MED19: variants seen among roughly 807,000 people sequenced by gnomAD.
The protein encoded by MED19 is mediator complex subunit 19, also known as mediator of RNA polymerase II transcription subunit 19.
A neutral mutation model predicts 19.9 loss-of-function variants in MED19; 4 were observed. The ratio of observed to expected loss-of-function variants is 0.20; its 90% CI spans 0.10 to 0.46. The LOEUF (loss-of-function observed/expected upper bound fraction) is 0.46. Ranked by LOEUF, MED19 falls within the 20% of genes least tolerant of loss-of-function variation. The pLI is 0.99. For synonymous variants in MED19, 139 were observed against 119.6 expected (o/e 1.16, Z -1.06); for missense variants, 303 against 318.7 (o/e 0.95, Z 0.38).
chr11:57,711,919 C>T, intron 1 of MED19, 44 bp downstream of exon 1: 1 of 1,400,846 alleles, frequency 7.1e-7, no homozygotes, highest in South Asian at 1.6e-5. Context: ...ATCACCTCCT[C>T]TCTAAGATTT....
intron 1 of MED19, among the ~76,000 whole-genome samples, chr11:57,709,287 A>G (rs1946537709): frequency 6.6e-6 from 1 of 152,074 alleles, no homozygotes; most frequent in Non-Finnish European, 1.5e-5. Context: ...AGGCTGAGGC[A>G]GGAGAATCGC....
chr11:57,703,756 C>A (rs1946475737), exon 5 of MED19: 2 of 363,116 alleles, frequency 5.5e-6, no homozygotes, highest in South Asian at 9.0e-5. Context: ...AAACACAGAA[C>A]AAGTCCTAAA....
intron 1 of MED19, among the ~76,000 whole-genome samples, chr11:57,705,995 C>CT (rs761219613): frequency 0.037 from 5,354 of 143,712 alleles, 133 homozygotes; most frequent in Admixed American, 0.077. Flanking sequence ...TTGTCAAGGA[C>CT]TTTTTTTTTT....
chr11:57,708,567 T>G (rs753701242), intron 1 of MED19, among the ~76,000 whole-genome samples: 15 of 152,194 alleles, frequency 9.9e-5, no homozygotes, highest in Non-Finnish European at 1.5e-4. Context: ...AACCATTAGG[T>G]AGTTCTTAAT....
chr11:57,707,095 G>A (rs1946517403), intron 1 of MED19, among the ~76,000 whole-genome samples: 1 of 151,870 alleles, frequency 6.6e-6, no homozygotes, highest in Non-Finnish European at 1.5e-5. Context: ...CTACTTGGGA[G>A]GCTGAGGCAG....
intron 1 of MED19, among the ~76,000 whole-genome samples, chr11:57,706,101 ATTC>A (rs2135415602): frequency 6.6e-6 from 1 of 151,814 alleles, no homozygotes; most frequent in Non-Finnish European, 1.5e-5. Context: ...CAACATCTTT[ATTC>A]TTCCTCGTGA....
intron 1 of MED19, among the ~76,000 whole-genome samples, chr11:57,710,561 C>A (rs1304048393): frequency 6.6e-6 from 1 of 152,180 alleles, no homozygotes; most frequent in African/African-American, 2.4e-5. Flanking sequence ...TTTCTGACCT[C>A]ATTTCTTGTA....
At chr11:57,705,043 G>A (rs1235835747) in exon 2 of MED19, 2 of 1,614,000 alleles carry the variant, frequency 1.2e-6, no homozygotes, top group Non-Finnish European at 1.7e-6. Flanking sequence ...ACTGAGAATA[G>A]GGGGCTTCTC....
intron 1 of MED19, among the ~76,000 whole-genome samples, chr11:57,711,638 G>A (rs766630035): frequency 3.3e-5 from 5 of 152,190 alleles, no homozygotes; most frequent in Non-Finnish European, 1.5e-5. Context: ...ACAGGCGTGA[G>A]CCACCGCGCC....
intron 1 of MED19, among the ~76,000 whole-genome samples, chr11:57,706,871 C>T (rs759084451): frequency 1.1e-3 from 170 of 152,304 alleles, no homozygotes; most frequent in Non-Finnish European, 1.9e-3. Context: ...ACATAATTTT[C>T]TCCCAAGGTT....
exon 5 of MED19, chr11:57,704,010 C>T: frequency 1.3e-6 from 2 of 1,535,606 alleles, no homozygotes; most frequent in Admixed American, 2.0e-5. Context: ...CAGGAAAAGC[C>T]ATCCTGGCAA....
At chr11:57,711,354 A>G (rs1946594264) in intron 1 of MED19, among the ~76,000 whole-genome samples, 1 of 152,074 alleles carries the variant, frequency 6.6e-6, no homozygotes. Flanking sequence ...CCAAACTCAA[A>G]CCCTGGATTT....
At chr11:57,704,341 A>G (rs1162410214) in exon 4 of MED19, 2 of 1,535,676 alleles carry the variant, frequency 1.3e-6, no homozygotes, top group Non-Finnish European at 1.7e-6. Context: ...TTTTCCGTTC[A>G]GGATCCTCTT....
exon 1 of MED19, chr11:57,711,995 C>G: frequency 1.3e-6 from 2 of 1,507,700 alleles, no homozygotes; most frequent in Non-Finnish European, 1.8e-6. Context: ...AAAAGGGCCA[C>G]AGCCAGCTCC....
At chr11:57,705,589 G>A (rs1166730598) in intron 1 of MED19, among the ~76,000 whole-genome samples, 1 of 151,776 alleles carries the variant, frequency 6.6e-6, no homozygotes, top group Non-Finnish European at 1.5e-5. Flanking sequence ...GGGAGGTGGA[G>A]GTTGCAGTGA....
At chr11:57,704,233 T>C in intron 4 of MED19, 69 bp downstream of exon 4, 1 of 1,527,690 alleles carries the variant, frequency 6.5e-7, no homozygotes, top group African/African-American at 1.4e-5. Flanking sequence ...CAAAGAACTC[T>C]AGGGTATTTA....
chr11:57,710,700 ATTTTT>A (rs548949933), intron 1 of MED19, among the ~76,000 whole-genome samples: 25 of 146,146 alleles, frequency 1.7e-4, no homozygotes, highest in African/African-American at 6.2e-4. Context: ...CTGCCCCTCA[ATTTTT>A]TTTTTTTAAG....
At chr11:57,705,425 G>C (rs905128437) in intron 1 of MED19, among the ~76,000 whole-genome samples, 196 bp from the exon 2 acceptor site, 1 of 152,146 alleles carries the variant, frequency 6.6e-6, no homozygotes, top group African/African-American at 2.4e-5. Context: ...GCTGAGGCGG[G>C]TGGATCACCA....
chr11:57,704,845 G>A, intron 2 of MED19, 30 bp from the exon 3 acceptor site: 1 of 1,611,656 alleles, frequency 6.2e-7, no homozygotes, highest in Non-Finnish European at 8.5e-7. Flanking sequence ...GTCCAGGTGA[G>A]TAGAGGGAGG....
Sources: allele counts gnomAD v4.1 joint callset (sites outside exome capture counted in the v4.1 genomes callset), GRCh38; gene constraint gnomAD v4.1.1; transcripts MANE v1.5; gene names NCBI Gene and HGNC (gene_info 2026-07-23, HGNC 2026-07-21).